Variants in DGKI observed in about 807,000 individuals in gnomAD.
DGKI encodes the protein DAG kinase iota.
In DGKI, 55 loss-of-function variants were observed where a neutral mutation model predicts 147.5. That is an observed-to-expected ratio of 0.37 (90% confidence interval 0.30 to 0.47). The LOEUF (loss-of-function observed/expected upper bound fraction) is 0.47. Ranked by LOEUF, DGKI falls within the 20% of genes least tolerant of loss-of-function variation. The pLI is 1.00. For missense variants in DGKI, 1,007 were observed against 1,323.8 expected, an observed-to-expected ratio of 0.76 and a Z score of 3.71; for synonymous variants, 469 against 477.1, an observed-to-expected ratio of 0.98 and a Z score of 0.22.
chr7:137,509,162 G>A (rs952286302), intron 21 of DGKI, among the ~76,000 whole-genome samples: 3 of 152,146 alleles, frequency 2.0e-5, no homozygotes, highest in African/African-American at 7.2e-5. Flanking sequence ...GTTGGCAATT[G>A]ACCAACCTCC....
At chr7:137,558,262 G>C (rs541627478) in intron 19 of DGKI, among the ~76,000 whole-genome samples, 1 of 146,374 alleles carries the variant, frequency 6.8e-6, no homozygotes, top group East Asian at 2.0e-4. Context: ...CTAGGCACTG[G>C]GTTTTTTTTA....
At chr7:137,396,312 G>A (rs539591455) in intron 31 of DGKI, among the ~76,000 whole-genome samples, 1 of 152,314 alleles carries the variant, frequency 6.6e-6, no homozygotes, top group East Asian at 1.9e-4. Flanking sequence ...GAGAGTTTGA[G>A]AGCCAGGGCT....
intron 20 of DGKI, among the ~76,000 whole-genome samples, chr7:137,539,158 C>T (rs1332047042): frequency 6.6e-6 from 1 of 152,182 alleles, no homozygotes; most frequent in Non-Finnish European, 1.5e-5. Context: ...GGAAGAGGGG[C>T]TTCCTCTCTA....
chr7:137,691,805 T>TTTTTTTTTTTTG (rs1823617943), intron 1 of DGKI, among the ~76,000 whole-genome samples: 1 of 125,198 alleles, frequency 8.0e-6, no homozygotes, highest in Admixed American at 7.4e-5. Context: ...TGGGTTTTTT[T>TTTTTTTTTTTTG]TTTTTTTTTT....
At chr7:137,423,406 G>A (rs1245145544) in intron 28 of DGKI, among the ~76,000 whole-genome samples, 1 of 152,178 alleles carries the variant, frequency 6.6e-6, no homozygotes, top group Non-Finnish European at 1.5e-5. Flanking sequence ...GGAACTTGGG[G>A]TGAACAAGTG....
intron 3 of DGKI, among the ~76,000 whole-genome samples, chr7:137,668,515 T>C (rs967189776): frequency 2.1e-4 from 32 of 152,326 alleles, no homozygotes; most frequent in African/African-American, 7.2e-4. Flanking sequence ...AAGCACCTCA[T>C]TGAACTCATT....
chr7:137,807,949 A>T (rs1189624771), intron 1 of DGKI, among the ~76,000 whole-genome samples: 1 of 152,130 alleles, frequency 6.6e-6, no homozygotes, highest in African/African-American at 2.4e-5. Flanking sequence ...AGGTGTGTGT[A>T]TGACTGTGTC....
At chr7:137,434,363 T>C (rs1813200650) in intron 28 of DGKI, among the ~76,000 whole-genome samples, 1 of 152,158 alleles carries the variant, frequency 6.6e-6, no homozygotes, top group Non-Finnish European at 1.5e-5. Flanking sequence ...GCAGATTGCC[T>C]GAGGTCAGGA....
chr7:137,703,151 G>A (rs763008773), intron 1 of DGKI, among the ~76,000 whole-genome samples: 8 of 152,124 alleles, frequency 5.3e-5, no homozygotes, highest in Non-Finnish European at 4.4e-5. Context: ...GAAGGTCTCC[G>A]GAAACTTACG....
chr7:137,689,300 A>G (rs898653519), intron 2 of DGKI, among the ~76,000 whole-genome samples: 1 of 152,252 alleles, frequency 6.6e-6, no homozygotes, highest in East Asian at 1.9e-4. Context: ...GACTCACTGA[A>G]GACTCTCAAT....
At chr7:137,594,971 G>A (rs892034465) in intron 12 of DGKI, among the ~76,000 whole-genome samples, 2 of 152,296 alleles carry the variant, frequency 1.3e-5, no homozygotes, top group Non-Finnish European at 2.9e-5. Flanking sequence ...GCCAACTCTA[G>A]GGTAAACGTA....
At position 137,422,407 on chromosome 7, in the gene DGKI, A is replaced by G. The variant is rs1258143654; in HGVS notation, c.2762-10200T>C. Among the ~76,000 whole-genome samples, 3 of 152,094 alleles carry G rather than the reference A, an allele frequency of 2.0e-5. No homozygotes were observed. The East Asian group carries it at 5.8e-4, about 29-fold the overall frequency. On this transcript the variant is annotated intron_variant, in intron 28 of 32. Coordinates refer to ENST00000614521, the MANE Select transcript of DGKI (RefSeq NM_001321708.2). The stretch of plus-strand genomic sequence containing the variant: ...CATCACCTTTGGATGTAATGGGAAA[A>G]CATATTTTTATATAGTACCACCATC...
intron 1 of DGKI, among the ~76,000 whole-genome samples, chr7:137,757,185 C>A (rs1795715809): frequency 6.6e-6 from 1 of 152,030 alleles, no homozygotes; most frequent in Non-Finnish European, 1.5e-5. Flanking sequence ...ACTTCTTAAA[C>A]CTGGGTCATC....
At chr7:137,770,051 T>C (rs1163546688) in intron 1 of DGKI, among the ~76,000 whole-genome samples, 4 of 152,190 alleles carry the variant, frequency 2.6e-5, no homozygotes, top group African/African-American at 9.7e-5. Context: ...CTATTTACAA[T>C]AGCAAAGACT....
rs530370787 is a variant in DGKI, at chr7:137,488,606, A to G, written c.2249-917T>C. Among the ~76,000 whole-genome samples the G allele has an allele frequency of 2.0e-5, 3 of 152,350 alleles. No homozygotes were observed. In the East Asian group the frequency reaches 5.8e-4, roughly 29 times the overall value. On this transcript the variant is annotated intron_variant, in intron 21 of 32. Transcript: ENST00000614521. The stretch of plus-strand genomic sequence containing the variant: ...TAACATAAAACCTTCAAAATTTTGA[A>G]TTAACCAACTGGTAAGTAGCAAGCA...
At chr7:137,811,378 TCTCTCTCACACACA>T (rs1332694259) in intron 1 of DGKI, among the ~76,000 whole-genome samples, 3 of 102,336 alleles carry the variant, frequency 2.9e-5, no homozygotes, top group African/African-American at 1.1e-4. Context: ...TCTCTCTCTC[TCTCTCTCACACACA>T]CACACACACA....
chr7:137,416,021 C>T (rs1812346855), intron 28 of DGKI, among the ~76,000 whole-genome samples: 1 of 151,438 alleles, frequency 6.6e-6, no homozygotes, highest in Admixed American at 6.6e-5. Context: ...AAAACAACAA[C>T]AAAATAGCCT....
intron 1 of DGKI, among the ~76,000 whole-genome samples, chr7:137,812,104 C>T (rs1043967622): frequency 6.6e-6 from 1 of 152,152 alleles, no homozygotes; most frequent in African/African-American, 2.4e-5. Context: ...CAGGGAGATG[C>T]CCTTCACTTT....
chr7:137,728,195 C>T (rs1005727802), intron 1 of DGKI, among the ~76,000 whole-genome samples: 1 of 152,050 alleles, frequency 6.6e-6, no homozygotes, highest in Non-Finnish European at 1.5e-5. Context: ...AGAAAAATTA[C>T]AGCAAGTCAC....
Sources: allele counts gnomAD v4.1 joint callset (sites outside exome capture counted in the v4.1 genomes callset), GRCh38; gene constraint gnomAD v4.1.1; transcripts MANE v1.5; gene names NCBI Gene and HGNC (gene_info 2026-07-23, HGNC 2026-07-21).